F5: variants seen among roughly 807,000 people sequenced by gnomAD.
The protein encoded by F5 is coagulation factor V.
F5 carries 138 observed loss-of-function variants against 216.4 expected under a neutral mutation model. The observed-to-expected ratio is 0.64, with a 90% confidence interval of 0.56 to 0.73. F5 has a LOEUF of 0.73. F5 is among the 30% of genes least tolerant of loss of function. The pLI is 0.00. For synonymous variants in F5, 916 were observed against 930.7 expected (o/e 0.98, Z 0.29); for missense variants, 2,403 against 2,674.0 (o/e 0.90, Z 2.24).
In F5 at chr1:169,541,692, T is replaced by G; in HGVS notation, c.3398A>C (p.Gln1133Pro). The G allele has an allele frequency of 6.2e-7, 1 of 1,614,004 alleles. No homozygotes were observed. Among genetic ancestry groups the G allele is most frequent in the Admixed American group, 1.7e-5 (1 of 60,002 alleles). The change falls in exon 13 of 25, where the codon CAA becomes CCA. Residue 1133 changes from glutamine (Q) to proline (P), a missense_variant. By Grantham distance (76) the Gln-to-Pro change is moderately conservative. Around this residue, in one of 4 missense-constraint regions of F5, gnomAD observed 1,425 missense variants for 1,554.8 expected, o/e 0.92. Coordinates refer to ENST00000367797, the MANE Select transcript of F5 (RefSeq NM_000130.5). Reference sequence around the variant, plus strand: ...AGTAGAGTGCATTTGATCAGGGTCTTGAATGGGGAATGTTTGATAGTGTTC... The same window carrying G: ...AGTAGAGTGCATTTGATCAGGGTCTGGAATGGGGAATGTTTGATAGTGTTC... ...PEEHYQTFPI[Q>P]DPDQMHSTSD...
chr1:169,546,421 A>T (rs1660003393), intron 11 of F5, 21 bp downstream of exon 11: 1 of 1,613,818 alleles, frequency 6.2e-7, no homozygotes, highest in Admixed American at 1.7e-5. Context: ...ACTGATGAAC[A>T]AAAATAGTAC....
chr1:169,574,173 G>C (rs1332641930), intron 2 of F5, among the ~76,000 whole-genome samples: 2 of 152,062 alleles, frequency 1.3e-5, no homozygotes, highest in African/African-American at 4.8e-5. Context: ...TGCAAATTTT[G>C]GTATCTGTGA....
intron 12 of F5, 142 bp from the exon 13 acceptor site, chr1:169,543,256 T>C: frequency 1.4e-6 from 1 of 717,634 alleles, no homozygotes; most frequent in Admixed American, 2.3e-5. Flanking sequence ...TGCTTGTCTG[T>C]GACCTATTGA....
intron 5 of F5, among the ~76,000 whole-genome samples, chr1:169,558,395 T>C (rs1159358740): frequency 6.6e-6 from 1 of 152,236 alleles, no homozygotes; most frequent in Admixed American, 6.5e-5. Context: ...TCTCAACTCT[T>C]AACAATATTT....
chr1:169,567,218 C>A (rs1660622334), intron 3 of F5, among the ~76,000 whole-genome samples: 1 of 151,822 alleles, frequency 6.6e-6, no homozygotes, highest in Non-Finnish European at 1.5e-5. Flanking sequence ...AGGGCTCCAT[C>A]CTCATTACCT....
At chr1:169,552,756 A>C in intron 7 of F5, 22 bp from the exon 8 acceptor site, 1 of 1,562,828 alleles carries the variant, frequency 6.4e-7, no homozygotes, top group Non-Finnish European at 8.8e-7. Context: ...GTAAAAAAAA[A>C]TTAAACCACT....
intron 21 of F5, 92 bp downstream of exon 21, chr1:169,523,105 A>T: frequency 7.0e-7 from 1 of 1,431,882 alleles, no homozygotes; most frequent in Non-Finnish European, 9.8e-7. Flanking sequence ...CCAGAAAGGT[A>T]TTTTTTAAAA....
chr1:169,553,559 T>A (rs530998146), intron 7 of F5, among the ~76,000 whole-genome samples: 2 of 152,034 alleles, frequency 1.3e-5, no homozygotes, highest in African/African-American at 2.4e-5. Flanking sequence ...ATACAAAAAA[T>A]TATATTTTTT....
rs747921898 is a variant in F5 at position 169,582,630 on chromosome 1, G to C, written c.159-108C>G. The stretch of plus-strand genomic sequence containing the variant: ...TCTTCAGACTTCTAGTAGAATACCA[G>C]TATCTTTATTGTATTTCAGAAGTCC... On this transcript the variant is annotated intron_variant, in intron 1 of 24. Coordinates refer to ENST00000367797, the MANE Select transcript of F5 (RefSeq NM_000130.5). 6.7e-5 allele frequency: 39 copies of C among 582,414 alleles called. 1 individual carries two copies. Among genetic ancestry groups the C allele is most frequent in the Non-Finnish European group, 1.2e-5 (4 of 323,380 alleles). 36.1% of individuals were successfully genotyped at this position (582,414 alleles called of 1,614,324 possible). A position where few individuals can be genotyped will look rare whatever the true frequency, so the allele number is the denominator to read the frequency against.
In F5 at chr1:169,555,290, T is replaced by A; in HGVS notation, c.1010A>T (p.Lys337Met). The A allele has an allele frequency of 6.2e-7, 1 of 1,614,150 alleles. No individual in the cohort carries two copies. The highest frequency in any genetic ancestry group is 8.5e-7 in the Non-Finnish European group (1 of 1,180,014). Residue 337 changes from lysine to methionine, a missense_variant, in exon 7 of 25, where the codon AAG becomes ATG. By Grantham distance (95) the Lys-to-Met change is moderately conservative (BLOSUM62 -1). Coordinates refer to ENST00000367797, the MANE Select transcript of F5 (RefSeq NM_000130.5). ...KNCPKKTRNL[K>M]KITREQRRHM... ...CCGCCTCTGCTCACGAGTTATTTTC[T>A]TAAGATTCCTGGTTTTCTTTGGGCA...
At chr1:169,553,321 C>G (rs1660218941) in intron 7 of F5, among the ~76,000 whole-genome samples, 1 of 152,312 alleles carries the variant, frequency 6.6e-6, no homozygotes, top group African/African-American at 2.4e-5. Context: ...CCCCTGCCCT[C>G]TTTATTACCT....
intron 3 of F5, among the ~76,000 whole-genome samples, chr1:169,565,872 T>C (rs1660587286): frequency 6.6e-6 from 1 of 152,112 alleles, no homozygotes; most frequent in African/African-American, 2.4e-5. Flanking sequence ...TAATAACTAA[T>C]ATTTACTCTA....
In F5 at chr1:169,524,473, C is replaced by T. The variant is rs556020767; in HGVS notation, c.5788+364G>A. ...GACTGAGGAGAGTTTTGGAAATGGG[C>T]GCGTGGTCATAAGAGTAAGGTATCT... On this transcript the variant is annotated intron_variant, in intron 19 of 24. Coordinates refer to ENST00000367797, the MANE Select transcript of F5 (RefSeq NM_000130.5). Among the ~76,000 whole-genome samples, 38 of 152,262 alleles carry T rather than the reference C, an allele frequency of 2.5e-4. 1 individual carries two copies. Among genetic ancestry groups the T allele is most frequent in the Admixed American group, 2.0e-3 (31 of 15,276 alleles).
At chr1:169,579,512 A>G (rs1660941386) in intron 2 of F5, among the ~76,000 whole-genome samples, 1 of 152,170 alleles carries the variant, frequency 6.6e-6, no homozygotes, top group Non-Finnish European at 1.5e-5. Flanking sequence ...CCGTCTGCTC[A>G]CTTAACATCT....
chr1:169,535,660 T>C (rs918418759), intron 14 of F5, among the ~76,000 whole-genome samples: 1 of 152,198 alleles, frequency 6.6e-6, no homozygotes, highest in African/African-American at 2.4e-5. Flanking sequence ...TTACTTAGAA[T>C]AAGTTTTTTA....
At chr1:169,570,843 G>A (rs764632109) in intron 3 of F5, among the ~76,000 whole-genome samples, 9 of 151,908 alleles carry the variant, frequency 5.9e-5, no homozygotes, top group Non-Finnish European at 1.3e-4. Context: ...AAGATTTCAC[G>A]ACAACAAACC....
intron 3 of F5, among the ~76,000 whole-genome samples, chr1:169,565,028 C>T (rs761334788): frequency 8.6e-5 from 13 of 152,024 alleles, no homozygotes; most frequent in Non-Finnish European, 1.6e-4. Context: ...ACTATGGGCT[C>T]CTTGTCCCTT....
intron 21 of F5, 47 bp from the exon 22 acceptor site, chr1:169,520,711 G>A: frequency 6.6e-7 from 1 of 1,526,148 alleles, no homozygotes; most frequent in East Asian, 2.3e-5. Flanking sequence ...GATCTATAAA[G>A]TGACTTTATA....
At chr1:169,574,470 G>T (rs925763663) in intron 2 of F5, among the ~76,000 whole-genome samples, 52 of 152,194 alleles carry the variant, frequency 3.4e-4, no homozygotes, top group African/African-American at 1.2e-3. Flanking sequence ...TCATTTCTGA[G>T]CCATCCACAA....
Sources: gnomAD v4.1 joint callset for allele counts (sites outside exome capture counted in the v4.1 genomes callset) on GRCh38, gnomAD v4.1.1 for gene constraint, gnomAD v4.1.1 regional missense constraint, MANE v1.5 for transcripts, NCBI Gene and HGNC (gene_info 2026-07-23, HGNC 2026-07-21) for gene names.